Variants in B4GALT6 observed in about 807,000 individuals in gnomAD.
B4GALT6 encodes beta-1,4-galactosyltransferase 6, also known as UDP-Gal:beta-GlcNAc beta-1,4-galactosyltransferase 6.
Under a neutral mutation model 46.3 loss-of-function variants are expected in B4GALT6, and 14 were observed. The ratio of observed to expected loss-of-function variants is 0.30; its 90% CI spans 0.20 to 0.47. The LOEUF (loss-of-function observed/expected upper bound fraction) is 0.47. B4GALT6 is among the 20% of genes least tolerant of loss of function. The pLI is 0.99. For missense variants in B4GALT6, 386 were observed against 480.1 expected (o/e 0.80, Z 1.83); for synonymous variants, 168 against 162.0 (o/e 1.04, Z -0.28).
intron 5 of B4GALT6, among the ~76,000 whole-genome samples, chr18:31,635,352 C>T (rs185006133): frequency 1.3e-5 from 2 of 151,952 alleles, no homozygotes; most frequent in Admixed American, 1.3e-4. Context: ...TAAAACTGAT[C>T]TAGAAATCTA....
chr18:31,645,447 T>C lies in B4GALT6; in HGVS notation c.379A>G (p.Ser127Gly), dbSNP rs1340108511. The C allele has an allele frequency of 6.2e-7, 1 of 1,613,266 alleles. No homozygotes were observed. ...AAGAGTTGATGAATTTCATCAAAAC[T>C]GACTTCGCTTACATTGACATTGAGG... ...GFLNVNVSEV[S>G]FDEIHQLFSK... is the part of the protein sequence containing the mutation. Residue 127 changes from serine to glycine, a missense_variant, in exon 4 of 9, where the codon AGT becomes GGT. This residue lies in a region of B4GALT6 where 323 missense variants were observed against 438.9 expected (regional missense o/e 0.74). Coordinates refer to ENST00000306851, the MANE Select transcript of B4GALT6 (RefSeq NM_004775.5).
At chr18:31,687,231 T>C (rs2029960729), upstream of B4GALT6, among the ~76,000 whole-genome samples, 1 of 152,210 alleles carries the variant, frequency 6.6e-6, no homozygotes, top group Non-Finnish European at 1.5e-5. Flanking sequence ...ATTAAATGAA[T>C]TAATGCCTGT....
chr18:31,675,287 G>A (rs1046816181), intron 1 of B4GALT6, among the ~76,000 whole-genome samples: 1 of 152,148 alleles, frequency 6.6e-6, no homozygotes, highest in Non-Finnish European at 1.5e-5. Flanking sequence ...AAAATGTTCA[G>A]GGTGGAAACA....
At chr18:31,632,663 T>C (rs1375848456) in intron 5 of B4GALT6, among the ~76,000 whole-genome samples, 1 of 152,214 alleles carries the variant, frequency 6.6e-6, no homozygotes, top group East Asian at 1.9e-4. Flanking sequence ...TATAGTTTTA[T>C]CATAATTTTT....
chr18:31,705,491 C>T, the B4GALT6 span, among the ~76,000 whole-genome samples: 306 of 152,292 alleles, frequency 2.0e-3, no homozygotes, highest in Non-Finnish European at 3.5e-3. Context: ...TGGGTCCAAG[C>T]GATTCTCCTG....
the B4GALT6 span, among the ~76,000 whole-genome samples, chr18:31,715,905 C>T: frequency 6.6e-6 from 1 of 152,026 alleles, no homozygotes; most frequent in African/African-American, 2.4e-5. Flanking sequence ...TCAAGCTACT[C>T]ATGACTATTA....
At chr18:31,706,705 A>C in the B4GALT6 span, among the ~76,000 whole-genome samples, 1 of 152,216 alleles carries the variant, frequency 6.6e-6, no homozygotes, top group Non-Finnish European at 1.5e-5. Context: ...TTTTATGGTT[A>C]ATGTTTTATA....
chr18:31,634,870 G>A (rs976386786), intron 5 of B4GALT6, among the ~76,000 whole-genome samples: 6 of 152,124 alleles, frequency 3.9e-5, no homozygotes, highest in Admixed American at 1.3e-4. Flanking sequence ...AAATAAAAAC[G>A]CAGACCTTAG....
At chr18:31,629,874 G>T (rs1449160445) in intron 6 of B4GALT6, among the ~76,000 whole-genome samples, 1 of 149,782 alleles carries the variant, frequency 6.7e-6, no homozygotes, top group Non-Finnish European at 1.5e-5. Context: ...AAGAAAAAGA[G>T]AACCAGATTG....
At position 31,625,548 on chromosome 18, in the gene B4GALT6, A is replaced by AT; in HGVS notation, c.*65_*66insA. On this transcript the variant is annotated 3_prime_UTR_variant, in exon 9 of 9. Transcript: ENST00000306851. ...GTGACACAGCCAATCACTGACCTCC[A>AT]CTAAGAGCGCGCTCCAAGTTTATGA... The AT allele has an allele frequency of 6.3e-7, 1 of 1,582,538 alleles. No homozygotes were observed. The highest frequency in any genetic ancestry group is 8.6e-7 in the Non-Finnish European group (1 of 1,157,432).
chr18:31,724,404 C>G, the B4GALT6 span: 2 of 1,083,394 alleles, frequency 1.8e-6, no homozygotes, highest in Non-Finnish European at 2.3e-6. Context: ...CAACTTAGCC[C>G]TGGTCTTCCC....
In B4GALT6 at chr18:31,666,460, C is replaced by T. The variant is rs2074283957; in HGVS notation, c.116-88G>A. ...TAATATTCAGAATTGGGGAAGTGCC[C>T]AATAAACATAAACTGACTCAATCAG... is the stretch of plus-strand genomic sequence containing the variant. On this transcript the variant is annotated intron_variant, in intron 1 of 8. Coordinates refer to ENST00000306851, the MANE Select transcript of B4GALT6 (RefSeq NM_004775.5). 5 of 510,394 alleles carry T rather than the reference C, an allele frequency of 9.8e-6. No homozygotes were observed. In the South Asian group the frequency reaches 2.6e-4, roughly 26 times the overall value. 31.6% of individuals were successfully genotyped at this position (510,394 alleles called of 1,614,324 possible). A position where few individuals can be genotyped will look rare whatever the true frequency, so the allele number is the denominator to read the frequency against.
chr18:31,634,691 T>C (rs570993321), intron 5 of B4GALT6, among the ~76,000 whole-genome samples: 2 of 152,348 alleles, frequency 1.3e-5, no homozygotes, highest in East Asian at 1.9e-4. Context: ...CTAGAATTCC[T>C]GAGCTGCTCT....
chr18:31,704,095 C>CT, the B4GALT6 span, among the ~76,000 whole-genome samples: 2 of 151,852 alleles, frequency 1.3e-5, no homozygotes, highest in African/African-American at 2.4e-5. Context: ...AATATAAAAA[C>CT]ATCAAGTACA....
chr18:31,654,363 G>C (rs1421352502), intron 3 of B4GALT6, among the ~76,000 whole-genome samples: 1 of 152,046 alleles, frequency 6.6e-6, no homozygotes, highest in African/African-American at 2.4e-5. Context: ...TACTTTGTTA[G>C]CACAAAGAAT....
At chr18:31,673,706 C>T (rs891691503) in intron 1 of B4GALT6, among the ~76,000 whole-genome samples, 5 of 152,140 alleles carry the variant, frequency 3.3e-5, no homozygotes, top group African/African-American at 1.2e-4. Flanking sequence ...TTAATTCTTA[C>T]AACCACCTGG....
chr18:31,691,898 G>A, the B4GALT6 span, among the ~76,000 whole-genome samples: 2 of 152,026 alleles, frequency 1.3e-5, no homozygotes, highest in African/African-American at 2.4e-5. Flanking sequence ...AGAAGTTTAG[G>A]TATATCAGAG....
the B4GALT6 span, among the ~76,000 whole-genome samples, chr18:31,705,659 AT>A: frequency 5.3e-5 from 8 of 152,338 alleles, no homozygotes; most frequent in African/African-American, 1.7e-4. Flanking sequence ...AAGTGCTGGG[AT>A]TACAGGCATG....
the B4GALT6 span, among the ~76,000 whole-genome samples, chr18:31,723,585 C>T: frequency 6.6e-6 from 1 of 150,978 alleles, no homozygotes; most frequent in African/African-American, 2.5e-5. Context: ...TTCTCTCTCC[C>T]AGACTGAATT....
Sources: gnomAD v4.1 joint callset for allele counts (sites outside exome capture counted in the v4.1 genomes callset) on GRCh38, gnomAD v4.1.1 for gene constraint, gnomAD v4.1.1 regional missense constraint, MANE v1.5 for transcripts, NCBI Gene and HGNC (gene_info 2026-07-23, HGNC 2026-07-21) for gene names.